The following POU3F3 variants were observed in gnomAD, a reference collection of about 807,000 sequenced individuals.
POU3F3 encodes POU class 3 homeobox 3.
POU3F3 carries 1 observed loss-of-function variant against 8.6 expected under a neutral mutation model. The observed-to-expected ratio is 0.12, with a 90% CI of 0.04 to 0.55. The LOEUF is 0.55. POU3F3 is among the 20% of genes least tolerant of loss of function. The pLI is 0.91. For synonymous variants in POU3F3, 418 were observed against 327.4 expected (o/e 1.28, Z -2.99); for missense variants, 577 against 690.7 (o/e 0.84, Z 1.84).
At chr2:104,889,138 G>A in the POU3F3 span, among the ~76,000 whole-genome samples, 64 of 152,274 alleles carry the variant, frequency 4.2e-4, no homozygotes, top group African/African-American at 1.1e-3. Context: ...TCCGTGATGC[G>A]ATTTAATCTT....
the POU3F3 span, among the ~76,000 whole-genome samples, chr2:104,886,045 C>T: frequency 2.0e-5 from 3 of 152,168 alleles, no homozygotes; most frequent in African/African-American, 7.2e-5. Flanking sequence ...GATCCACCCG[C>T]CTCAGCCTCC....
the POU3F3 span, among the ~76,000 whole-genome samples, chr2:104,915,427 C>T: frequency 0.023 from 3,477 of 152,264 alleles, 121 homozygotes; most frequent in African/African-American, 0.08. Flanking sequence ...CCCTTTGTTA[C>T]ACATAGAGCA....
At chr2:104,919,162 T>C in the POU3F3 span, among the ~76,000 whole-genome samples, 10 of 152,320 alleles carry the variant, frequency 6.6e-5, 1 homozygote, top group South Asian at 8.3e-4. Context: ...TGAGCCACCA[T>C]GCCTGGTCCA....
chr2:104,898,009 A>C, the POU3F3 span, among the ~76,000 whole-genome samples: 1 of 152,246 alleles, frequency 6.6e-6, no homozygotes, highest in East Asian at 1.9e-4. Flanking sequence ...TTGTCCCCCC[A>C]GAGTTCCTAT....
chr2:104,916,464 T>C, the POU3F3 span, among the ~76,000 whole-genome samples: 2 of 152,182 alleles, frequency 1.3e-5, no homozygotes, highest in Non-Finnish European at 2.9e-5. Flanking sequence ...GAGGTTATAG[T>C]CAGGCTGTCA....
the POU3F3 span, among the ~76,000 whole-genome samples, chr2:104,922,409 A>AAG: frequency 2.0e-5 from 3 of 151,420 alleles, no homozygotes; most frequent in Admixed American, 2.0e-4. Flanking sequence ...AAAAAAAAAA[A>AAG]AAAGAAAGGA....
chr2:104,897,200 G>A, the POU3F3 span, among the ~76,000 whole-genome samples: 111 of 152,298 alleles, frequency 7.3e-4, no homozygotes, highest in African/African-American at 2.5e-3. Flanking sequence ...AGCTAAAGAA[G>A]GAGAAGCCAG....
At chr2:104,905,079 G>A in the POU3F3 span, among the ~76,000 whole-genome samples, 2 of 152,232 alleles carry the variant, frequency 1.3e-5, no homozygotes, top group African/African-American at 2.4e-5. Context: ...GGATGAGCAC[G>A]GATTTGGAAA....
At chr2:104,891,241 C>T in the POU3F3 span, among the ~76,000 whole-genome samples, 48 of 151,990 alleles carry the variant, frequency 3.2e-4, no homozygotes, top group Non-Finnish European at 4.4e-4. Flanking sequence ...TATATATTAG[C>T]CTTGAGGGAT....
chr2:104,892,227 A>G, the POU3F3 span, among the ~76,000 whole-genome samples: 1 of 152,148 alleles, frequency 6.6e-6, no homozygotes. Flanking sequence ...TCCTGTGGTG[A>G]AGATGGCCCA....
chr2:104,896,934 A>G, the POU3F3 span, among the ~76,000 whole-genome samples: 4 of 152,216 alleles, frequency 2.6e-5, no homozygotes, highest in African/African-American at 7.2e-5. Flanking sequence ...GGAGCTTCAA[A>G]TCAAGGGACT....
At chr2:104,909,001 G>A in the POU3F3 span, among the ~76,000 whole-genome samples, 1 of 151,914 alleles carries the variant, frequency 6.6e-6, no homozygotes, top group South Asian at 2.1e-4. Context: ...TAGAGAACCA[G>A]ATGGGTGATG....
the POU3F3 span, among the ~76,000 whole-genome samples, chr2:104,908,747 A>G: frequency 6.6e-6 from 1 of 152,238 alleles, no homozygotes; most frequent in Non-Finnish European, 1.5e-5. Context: ...CCAATGGTCT[A>G]CAGCAAAGAA....
chr2:104,917,175 G>A, the POU3F3 span, among the ~76,000 whole-genome samples: 1 of 152,182 alleles, frequency 6.6e-6, no homozygotes, highest in African/African-American at 2.4e-5. Context: ...AGGCCAGCTT[G>A]CAGATGGCAG....
At chr2:104,896,123 G>A in the POU3F3 span, among the ~76,000 whole-genome samples, 1 of 152,228 alleles carries the variant, frequency 6.6e-6, no homozygotes, top group Non-Finnish European at 1.5e-5. Context: ...GCAGGATTGA[G>A]TAACAGGATG....
At chr2:104,877,727 T>G in the POU3F3 span, among the ~76,000 whole-genome samples, 1 of 151,562 alleles carries the variant, frequency 6.6e-6, no homozygotes, top group Non-Finnish European at 1.5e-5. Context: ...GGCACAATCT[T>G]GTCTCACTGC....
chr2:104,891,214 A>G, the POU3F3 span, among the ~76,000 whole-genome samples: 1 of 152,172 alleles, frequency 6.6e-6, no homozygotes, highest in Non-Finnish European at 1.5e-5. Flanking sequence ...TTTGAATCAG[A>G]TCATTTTACT....
chr2:104,926,242 T>G, the POU3F3 span, among the ~76,000 whole-genome samples: 3 of 152,058 alleles, frequency 2.0e-5, no homozygotes, highest in East Asian at 5.8e-4. Context: ...TACAAAGAAC[T>G]TCAACAAATT....
At chr2:104,876,840 G>A in the POU3F3 span, among the ~76,000 whole-genome samples, 1 of 152,168 alleles carries the variant, frequency 6.6e-6, no homozygotes, top group East Asian at 1.9e-4. Context: ...CTGCCACCAG[G>A]CCAGCTTTGC....
Sources: gnomAD v4.1 joint callset for allele counts (sites outside exome capture counted in the v4.1 genomes callset) on GRCh38, gnomAD v4.1.1 for gene constraint, MANE v1.5 for transcripts, NCBI Gene and HGNC (gene_info 2026-07-23, HGNC 2026-07-21) for gene names.